Variants in FGF14 observed in about 807,000 individuals in gnomAD.
The protein encoded by FGF14 is fibroblast growth factor 14.
A neutral mutation model predicts 25.5 loss-of-function variants in FGF14; 5 were observed. That is an observed-to-expected ratio of 0.20 (90% CI 0.10 to 0.41). The LOEUF (loss-of-function observed/expected upper bound fraction) is 0.41, where lower values mean the gene tolerates loss of function less well. FGF14 is among the 10% of genes least tolerant of loss of function. FGF14 has a pLI of 1.00. For synonymous variants in FGF14, 138 were observed against 118.3 expected, an observed-to-expected ratio of 1.17 and a Z score of -1.08; for missense variants, 222 against 320.1, an observed-to-expected ratio of 0.69 and a Z score of 2.34.
At chr13:102,288,292 T>C (rs576634910) in intron 1 of FGF14, among the ~76,000 whole-genome samples, 1 of 152,306 alleles carries the variant, frequency 6.6e-6, no homozygotes, top group East Asian at 1.9e-4. Flanking sequence ...TATCCTGTTA[T>C]TCACAATAAT....
Position 101,716,861 on chromosome 13 carries a change from A to G in FGF14, c.*5970T>C, listed in dbSNP as rs1312490554. On this transcript the variant is annotated 3_prime_UTR_variant, in exon 5 of 5. Transcript: ENST00000376143. ...ATATTCACTCAGTGATAGGAACAAA[A>G]TGTTTATTTTCTTAATGGTGAAACT... The G allele has an allele frequency of 6.6e-6, 1 of 152,056 alleles. No homozygotes were observed. The highest frequency in any genetic ancestry group is 6.6e-5 in the Admixed American group (1 of 15,256). The allele number at this position is 152,056 out of a possible 1,614,324, so 9.4% of individuals were successfully genotyped here.
chr13:101,895,018 T>C (rs2030417669), intron 1 of FGF14, among the ~76,000 whole-genome samples: 1 of 152,208 alleles, frequency 6.6e-6, no homozygotes, highest in South Asian at 2.1e-4. Flanking sequence ...TATGGAGACA[T>C]GTTTCAAATC....
In FGF14 at chr13:101,714,481, G is replaced by A; in HGVS notation, c.*8350C>T. 6.2e-7 allele frequency: 1 copy of A among 1,612,864 alleles called. No individual in the cohort carries two copies. Among genetic ancestry groups the A allele is most frequent in the Non-Finnish European group, 8.5e-7 (1 of 1,178,926 alleles). ...AGTGCATTTGTTCTGCTGAAGAGTG[G>A]TATATTTCTGGGGAGTTCTGTGACT... On this transcript the variant is annotated 3_prime_UTR_variant, in exon 5 of 5. Transcript: ENST00000376143.
At chr13:101,994,045 C>T (rs2039050010) in intron 1 of FGF14, among the ~76,000 whole-genome samples, 1 of 151,948 alleles carries the variant, frequency 6.6e-6, no homozygotes, top group African/African-American at 2.4e-5. Context: ...ATAATGGTTA[C>T]ATGGGATTAA....
intron 1 of FGF14, among the ~76,000 whole-genome samples, chr13:102,296,014 T>C (rs1414554349): frequency 2.0e-5 from 3 of 152,214 alleles, no homozygotes; most frequent in Non-Finnish European, 4.4e-5. Flanking sequence ...TCCTTAATGT[T>C]GGTTATGTAG....
At chr13:101,805,538 G>A (rs2041146175) in intron 3 of FGF14, among the ~76,000 whole-genome samples, 1 of 152,024 alleles carries the variant, frequency 6.6e-6, no homozygotes, top group African/African-American at 2.4e-5. Context: ...GCCAATGAAA[G>A]GCCATTAAGG....
At chr13:102,376,746 T>A (rs2058049939) in intron 1 of FGF14, among the ~76,000 whole-genome samples, 1 of 152,230 alleles carries the variant, frequency 6.6e-6, no homozygotes, top group East Asian at 1.9e-4. Context: ...AAATATTCAA[T>A]AGGAAATCAA....
chr13:102,364,873 A>C (rs1162033647), intron 1 of FGF14, among the ~76,000 whole-genome samples: 1 of 152,236 alleles, frequency 6.6e-6, no homozygotes, highest in Admixed American at 6.5e-5. Flanking sequence ...AACCGCACAC[A>C]TATGGGCGAG....
intron 1 of FGF14, among the ~76,000 whole-genome samples, chr13:102,027,430 T>A (rs2040987887): frequency 6.6e-6 from 1 of 151,858 alleles, no homozygotes; most frequent in Non-Finnish European, 1.5e-5. Flanking sequence ...ATAAGCAAAT[T>A]TCTTCTAATA....
At chr13:102,109,481 A>G (rs1302382815) in intron 1 of FGF14, among the ~76,000 whole-genome samples, 2 of 152,226 alleles carry the variant, frequency 1.3e-5, no homozygotes, top group Non-Finnish European at 2.9e-5. Flanking sequence ...TTGCCATTCT[A>G]TAATGTGTAT....
intron 1 of FGF14, among the ~76,000 whole-genome samples, chr13:102,078,197 A>C (rs974761243): frequency 6.6e-6 from 1 of 152,186 alleles, no homozygotes; most frequent in African/African-American, 2.4e-5. Flanking sequence ...AGAAAAAATA[A>C]ATTCAAGAAA....
chr13:101,969,539 T>A (rs766914094), intron 1 of FGF14, among the ~76,000 whole-genome samples: 6 of 152,252 alleles, frequency 3.9e-5, no homozygotes, highest in Non-Finnish European at 7.3e-5. Context: ...AATAGGGCTC[T>A]AATGAGTCAT....
chr13:102,355,440 A>G (rs1203622583), intron 1 of FGF14, among the ~76,000 whole-genome samples: 1 of 151,908 alleles, frequency 6.6e-6, no homozygotes. Flanking sequence ...GTGTTGCTGT[A>G]TTACTGAGGC....
chr13:102,160,828 C>T (rs1438871429), intron 1 of FGF14, among the ~76,000 whole-genome samples: 2 of 152,010 alleles, frequency 1.3e-5, no homozygotes, highest in Admixed American at 6.6e-5. Flanking sequence ...AAAAACAGTG[C>T]TTATAAAGTG....
intron 3 of FGF14, among the ~76,000 whole-genome samples, chr13:101,841,213 C>T (rs1471354353): frequency 6.6e-6 from 1 of 151,860 alleles, no homozygotes; most frequent in Non-Finnish European, 1.5e-5. Context: ...AAATTCCTTA[C>T]TTTATTATTT....
chr13:102,111,721 GA>G (rs76260816), intron 1 of FGF14, among the ~76,000 whole-genome samples: 2,611 of 81,116 alleles, frequency 0.032, 69 homozygotes, highest in African/African-American at 0.083. Flanking sequence ...GTCTAAAAAA[GA>G]AAAAAAAAAA....
chr13:101,849,415 A>T (rs2043631245), intron 3 of FGF14, among the ~76,000 whole-genome samples: 1 of 152,058 alleles, frequency 6.6e-6, no homozygotes, highest in African/African-American at 2.4e-5. Flanking sequence ...TAATTTTCAT[A>T]AACATGGGCA....
intron 3 of FGF14, among the ~76,000 whole-genome samples, chr13:101,803,372 C>T (rs957698975): frequency 6.6e-6 from 1 of 152,054 alleles, no homozygotes; most frequent in African/African-American, 2.4e-5. Flanking sequence ...TCAAGCAATC[C>T]TCCTGCCTTA....
At chr13:102,132,580 C>T (rs2046248449) in intron 1 of FGF14, among the ~76,000 whole-genome samples, 1 of 151,338 alleles carries the variant, frequency 6.6e-6, no homozygotes, top group African/African-American at 2.4e-5. Context: ...CAGCTCACTG[C>T]AACCTCTGCC....
Sources: allele counts gnomAD v4.1 joint callset (sites outside exome capture counted in the v4.1 genomes callset), GRCh38; gene constraint gnomAD v4.1.1; transcripts MANE v1.5; gene names NCBI Gene and HGNC (gene_info 2026-07-23, HGNC 2026-07-21).